Variants in BAZ1A observed in about 807,000 individuals in gnomAD.
BAZ1A encodes the protein bromodomain adjacent to zinc finger domain protein 1A.
In BAZ1A, 50 loss-of-function variants were observed where a neutral mutation model predicts 185.2. That is an observed-to-expected ratio of 0.27 (90% CI 0.22 to 0.34). BAZ1A has a LOEUF of 0.34. Ranked by LOEUF, BAZ1A falls within the 10% of genes least tolerant of loss-of-function variation. BAZ1A has a pLI of 1.00. For synonymous variants in BAZ1A, 571 were observed against 615.6 expected, an observed-to-expected ratio of 0.93 and a Z score of 1.07; for missense variants, 1,356 against 1,839.9, an observed-to-expected ratio of 0.74 and a Z score of 4.81.
chr14:34,763,388 T>A (rs1361609342), intron 23 of BAZ1A, among the ~76,000 whole-genome samples: 1 of 151,556 alleles, frequency 6.6e-6, no homozygotes, highest in Non-Finnish European at 1.5e-5. Context: ...CATACTCATT[T>A]TCCTGCTTCC....
Position 34,801,162 on chromosome 14 carries a change from G to A in BAZ1A, c.893C>T (p.Ala298Val). 1 of 1,606,546 alleles carries A rather than the reference G, an allele frequency of 6.2e-7. No individual in the cohort carries two copies. ...EDNVANKQTL[A>V]SYRSKATKER... is the part of the protein sequence containing the mutation. ...TTTAGTAGCTTTGCTCCTATAACTT[G>A]CAAGAGTCTGTTTATTAGCAACATT... The change falls in exon 8 of 27, where the codon GCA becomes GTA. Residue 298 changes from alanine (A) to valine (V), a missense_variant. By Grantham distance (64) the Ala-to-Val change is moderately conservative (BLOSUM62 0). This residue lies in a region of BAZ1A where 332 missense variants were observed against 395.3 expected (regional missense o/e 0.84). Coordinates refer to ENST00000360310, the MANE Select transcript of BAZ1A (RefSeq NM_013448.3).
chr14:34,796,165 T>TACATACACAC (rs112744981), intron 9 of BAZ1A, among the ~76,000 whole-genome samples: 2 of 146,498 alleles, frequency 1.4e-5, no homozygotes, highest in African/African-American at 5.1e-5. Context: ...TACATATACA[T>TACATACACAC]ACACACACAC....
chr14:34,832,199 C>CAT, intron 3 of BAZ1A, among the ~76,000 whole-genome samples: 1 of 79,384 alleles, frequency 1.3e-5, no homozygotes, highest in Non-Finnish European at 2.8e-5. Flanking sequence ...TATACACACA[C>CAT]ACACACACAC....
At chr14:34,758,566 T>C (rs1295237454) in intron 25 of BAZ1A, 138 bp downstream of exon 25, 8 of 858,398 alleles carry the variant, frequency 9.3e-6, no homozygotes, top group South Asian at 1.9e-5. Flanking sequence ...GGCGACAGAG[T>C]GAGACTGTCT....
intron 3 of BAZ1A, among the ~76,000 whole-genome samples, chr14:34,829,086 C>T (rs377384884): frequency 2.6e-5 from 4 of 152,002 alleles, no homozygotes; most frequent in East Asian, 1.9e-4. Context: ...GCCAACATGG[C>T]GAAACCCTGT....
Position 34,856,487 on chromosome 14 carries a change from G to A in BAZ1A, c.392+5557C>T, listed in dbSNP as rs140531203. Among the ~76,000 whole-genome samples the A allele has an allele frequency of 5.6e-3, 846 of 151,990 alleles. 8 individuals are homozygous for A. Among genetic ancestry groups the A allele is most frequent in the African/African-American group, 0.02 (814 of 41,464 alleles). On this transcript the variant is annotated intron_variant, in intron 3 of 26. Transcript: ENST00000360310. ...ATTTTTGTAGAGACAGGGTCTCACCGTGTTGCCTAGGCTGCTTAGAGCATC... is the reference window on the plus strand; with the variant it reads ...ATTTTTGTAGAGACAGGGTCTCACCATGTTGCCTAGGCTGCTTAGAGCATC...
At chr14:34,803,049 G>A in intron 6 of BAZ1A, 61 bp from the exon 7 acceptor site, 1 of 1,481,070 alleles carries the variant, frequency 6.8e-7, no homozygotes, top group East Asian at 2.3e-5. Context: ...ATACAGATAT[G>A]CCCTAACATG....
At chr14:34,852,605 T>C (rs7151547) in intron 3 of BAZ1A, among the ~76,000 whole-genome samples, 91,854 of 151,978 alleles carry the variant, frequency 0.6, 27,877 homozygotes, top group South Asian at 0.68. Context: ...GGTGACAGAC[T>C]GAGACTCTGT....
chr14:34,800,655 A>T (rs1350844475), intron 8 of BAZ1A, among the ~76,000 whole-genome samples: 1 of 152,232 alleles, frequency 6.6e-6, no homozygotes. Flanking sequence ...ACCAGCAGCA[A>T]GGTTATCATC....
rs767746211 is a variant in BAZ1A, at chr14:34,801,128, A to C, written c.927T>G (p.Asp309Glu). The C allele has an allele frequency of 5.6e-6, 9 of 1,603,170 alleles. No individual in the cohort carries two copies. The highest frequency in any genetic ancestry group is 7.6e-6 in the Non-Finnish European group (9 of 1,177,078). Residue 309 changes from aspartate to glutamate, a missense_variant, in exon 8 of 27, where the codon GAT (aspartate) becomes GAG (glutamate). Coordinates refer to ENST00000360310, the MANE Select transcript of BAZ1A (RefSeq NM_013448.3). Reference protein sequence around the residue: ...SYRSKATKERDKLLKQEEMKS... With the variant: ...SYRSKATKEREKLLKQEEMKS... Reference sequence around the variant, plus strand: ...TCATTTCTTCTTGTTTCAAAAGTTTATCTCTTTCTTTAGTAGCTTTGCTCC... The same window carrying C: ...TCATTTCTTCTTGTTTCAAAAGTTTCTCTCTTTCTTTAGTAGCTTTGCTCC...
chr14:34,777,502 G>A (rs545036119), intron 17 of BAZ1A, among the ~76,000 whole-genome samples: 19 of 151,774 alleles, frequency 1.3e-4, no homozygotes, highest in African/African-American at 4.6e-4. Flanking sequence ...AAATTAGCTG[G>A]GCATGGTAGC....
At chr14:34,790,764 C>G (rs1164719218) in intron 12 of BAZ1A, among the ~76,000 whole-genome samples, 1 of 152,142 alleles carries the variant, frequency 6.6e-6, no homozygotes, top group Non-Finnish European at 1.5e-5. Context: ...TAGAGAGATA[C>G]ATCTTATATT....
At chr14:34,763,985 A>C (rs935864419) in intron 23 of BAZ1A, among the ~76,000 whole-genome samples, 1 of 152,106 alleles carries the variant, frequency 6.6e-6, no homozygotes, top group Non-Finnish European at 1.5e-5. Flanking sequence ...TCGGCCCTCA[A>C]CCGGAGGTTC....
intron 24 of BAZ1A, 52 bp from the exon 25 acceptor site, chr14:34,758,898 C>T (rs747643821): frequency 2.9e-5 from 45 of 1,567,730 alleles, no homozygotes; most frequent in Non-Finnish European, 3.7e-5. Flanking sequence ...AATATTGGTT[C>T]ACTACACGCC....
At chr14:34,858,408 G>GT (rs1347687307) in intron 3 of BAZ1A, among the ~76,000 whole-genome samples, 1 of 152,160 alleles carries the variant, frequency 6.6e-6, no homozygotes, top group Admixed American at 6.5e-5. Context: ...GCACATGCCT[G>GT]TAATTGACTA....
At chr14:34,814,546 G>A (rs1243720311) in intron 4 of BAZ1A, among the ~76,000 whole-genome samples, 2 of 151,998 alleles carry the variant, frequency 1.3e-5, no homozygotes, top group Non-Finnish European at 2.9e-5. Flanking sequence ...ACGGCTCACT[G>A]CTGCTTCAAC....
rs557493377 is a variant in BAZ1A at position 34,861,326 on chromosome 14, T to C, written c.392+718A>G. Among the ~76,000 whole-genome samples the C allele has an allele frequency of 3.9e-5, 6 of 152,328 alleles. No homozygotes were observed. The East Asian group carries it at 9.6e-4, about 24-fold the overall frequency. On this transcript the variant is annotated intron_variant, in intron 3 of 26. Transcript: ENST00000360310. ...ATTGATAATTTTTCATTTATTGCCA[T>C]AGATTGTGTCATTTTCAATGTTCAT...
At chr14:34,840,505 T>C (rs1484394370) in intron 3 of BAZ1A, among the ~76,000 whole-genome samples, 1 of 152,152 alleles carries the variant, frequency 6.6e-6, no homozygotes, top group East Asian at 1.9e-4. Context: ...ACACCTGTTA[T>C]CCCAGCACTT....
At chr14:34,841,476 C>T (rs2138759316) in intron 3 of BAZ1A, among the ~76,000 whole-genome samples, 1 of 152,262 alleles carries the variant, frequency 6.6e-6, no homozygotes, top group South Asian at 2.1e-4. Flanking sequence ...CTTGCAACCT[C>T]CGCCTCCTGG....
Sources: gnomAD v4.1 joint callset for allele counts (sites outside exome capture counted in the v4.1 genomes callset) on GRCh38, gnomAD v4.1.1 for gene constraint, gnomAD v4.1.1 regional missense constraint, MANE v1.5 for transcripts, NCBI Gene and HGNC (gene_info 2026-07-23, HGNC 2026-07-21) for gene names.